SEMA6D: variants seen among roughly 807,000 people sequenced by gnomAD.
SEMA6D encodes semaphorin 6D, also known as semaphorin-6D.
SEMA6D carries 35 observed loss-of-function variants against 106.6 expected under a neutral mutation model. The ratio of observed to expected loss-of-function variants is 0.33; its 90% CI spans 0.25 to 0.44. The LOEUF (loss-of-function observed/expected upper bound fraction) is 0.44, where lower values mean the gene tolerates loss of function less well. Among genes scored for constraint, SEMA6D ranks in the 20% least tolerant of loss-of-function variants. The probability of loss-of-function intolerance (pLI) is 1.00; values close to 1 mark genes in which losing one functional copy is unlikely to be tolerated. For synonymous variants in SEMA6D, 499 were observed against 487.7 expected (o/e 1.02, Z -0.31); for missense variants, 1,185 against 1,345.9 (o/e 0.88, Z 1.87).
chr15:47,524,871 C>G (rs1335138050), intron 3 of SEMA6D, among the ~76,000 whole-genome samples: 2 of 152,152 alleles, frequency 1.3e-5, no homozygotes, highest in African/African-American at 4.8e-5. Context: ...GTATTTATGT[C>G]TTGCTACTCA....
intron 1 of SEMA6D, among the ~76,000 whole-genome samples, chr15:47,232,233 A>G (rs972015660): frequency 1.3e-5 from 2 of 152,140 alleles, no homozygotes; most frequent in East Asian, 3.9e-4. Context: ...GATATACTAC[A>G]TATTGTTCAT....
At chr15:47,436,111 C>A (rs1032040358) in intron 2 of SEMA6D, among the ~76,000 whole-genome samples, 2 of 152,040 alleles carry the variant, frequency 1.3e-5, no homozygotes, top group Non-Finnish European at 2.9e-5. Flanking sequence ...GACTTTGGGC[C>A]GATTGCGGTG....
chr15:47,378,260 G>A (rs1341583763), intron 1 of SEMA6D, among the ~76,000 whole-genome samples: 1 of 152,166 alleles, frequency 6.6e-6, no homozygotes, highest in African/African-American at 2.4e-5. Context: ...ACTTTGGAAG[G>A]CTGAGGCGGG....
At chr15:47,260,827 C>A (rs886590902) in intron 1 of SEMA6D, among the ~76,000 whole-genome samples, 1 of 152,084 alleles carries the variant, frequency 6.6e-6, no homozygotes, top group East Asian at 1.9e-4. Context: ...CTGATTGATC[C>A]CTCTTGCTAG....
At chr15:47,218,544 T>C (rs1443082879) in intron 1 of SEMA6D, among the ~76,000 whole-genome samples, 3 of 152,214 alleles carry the variant, frequency 2.0e-5, no homozygotes, top group Non-Finnish European at 4.4e-5. Flanking sequence ...CAAACAAAGA[T>C]GCATTATTTC....
At chr15:47,686,420 A>G (rs904334638) in intron 4 of SEMA6D, among the ~76,000 whole-genome samples, 5 of 152,258 alleles carry the variant, frequency 3.3e-5, no homozygotes, top group African/African-American at 1.2e-4. Context: ...AAAAATGTTC[A>G]AAGGAAAAAT....
intron 1 of SEMA6D, among the ~76,000 whole-genome samples, chr15:47,372,984 T>A (rs993739579): frequency 6.6e-6 from 1 of 152,200 alleles, no homozygotes; most frequent in African/African-American, 2.4e-5. Flanking sequence ...CAAACTTAGA[T>A]CACGGAACAG....
At chr15:47,373,656 G>A (rs957051280) in intron 1 of SEMA6D, among the ~76,000 whole-genome samples, 3 of 152,160 alleles carry the variant, frequency 2.0e-5, no homozygotes, top group Non-Finnish European at 4.4e-5. Flanking sequence ...TGATGAGTAA[G>A]TTGGGTGTTT....
chr15:47,328,940 A>T (rs1375094865), intron 1 of SEMA6D, among the ~76,000 whole-genome samples: 1 of 152,222 alleles, frequency 6.6e-6, no homozygotes, highest in Non-Finnish European at 1.5e-5. Context: ...ATCAAGACAT[A>T]GTTCATTCAT....
intron 1 of SEMA6D, among the ~76,000 whole-genome samples, chr15:47,732,496 G>C (rs1022957527): frequency 7.9e-5 from 12 of 152,302 alleles, no homozygotes; most frequent in African/African-American, 2.9e-4. Context: ...ACCTGCTCAT[G>C]TATGAAGCCT....
intron 1 of SEMA6D, among the ~76,000 whole-genome samples, chr15:47,384,814 G>GTTTTTTTTTTTTTTTTTTTTTTTTTTTT (rs1168068495): frequency 4.6e-5 from 3 of 65,694 alleles, no homozygotes; most frequent in African/African-American, 1.6e-4. Context: ...GATTACTAAA[G>GTTTTTTTTTTTTTTTTTTTTTTTTTTTT]TTTTTTTTTT....
chr15:47,507,845 C>T (rs887270424), intron 3 of SEMA6D, among the ~76,000 whole-genome samples: 7 of 152,182 alleles, frequency 4.6e-5, no homozygotes, highest in Admixed American at 3.9e-4. Context: ...TTTCGGGCCC[C>T]TGCATATGCT....
At chr15:47,249,341 G>T (rs2033378834) in intron 1 of SEMA6D, among the ~76,000 whole-genome samples, 1 of 152,148 alleles carries the variant, frequency 6.6e-6, no homozygotes, top group South Asian at 2.1e-4. Flanking sequence ...TAGTTCATTT[G>T]CACTCTTATT....
intron 1 of SEMA6D, among the ~76,000 whole-genome samples, chr15:47,262,253 G>T (rs779589943): frequency 6.6e-6 from 1 of 152,022 alleles, no homozygotes; most frequent in South Asian, 2.1e-4. Context: ...TAAAATGGCC[G>T]TACTGCCCAA....
At chr15:47,662,102 T>C (rs1376631950) in intron 4 of SEMA6D, among the ~76,000 whole-genome samples, 1 of 152,118 alleles carries the variant, frequency 6.6e-6, no homozygotes, top group Non-Finnish European at 1.5e-5. Flanking sequence ...TCAGTGGGTG[T>C]CTGCGGTGTC....
chr15:47,550,015 G>T (rs1443423249), intron 3 of SEMA6D, among the ~76,000 whole-genome samples: 1 of 152,204 alleles, frequency 6.6e-6, no homozygotes, highest in Non-Finnish European at 1.5e-5. Context: ...TCATTAAAGA[G>T]AGAGTAGAAA....
chr15:47,287,926 G>C (rs909061351), intron 1 of SEMA6D, among the ~76,000 whole-genome samples: 9 of 152,112 alleles, frequency 5.9e-5, no homozygotes, highest in African/African-American at 2.2e-4. Context: ...GCCTCAGGAA[G>C]CTTATCATAA....
At chr15:47,663,049 A>C (rs1404795911) in intron 4 of SEMA6D, among the ~76,000 whole-genome samples, 1 of 152,220 alleles carries the variant, frequency 6.6e-6, no homozygotes, top group Admixed American at 6.5e-5. Context: ...AAGGCATTGA[A>C]GATCAGAGTA....
chr15:47,505,635 A>G (rs1618196), intron 3 of SEMA6D, among the ~76,000 whole-genome samples: 70,604 of 151,950 alleles, frequency 0.46, 17,884 homozygotes, highest in East Asian at 0.82. Context: ...GAGTCAGAAT[A>G]TCTAATTGAC....
Sources: gnomAD v4.1 joint callset for allele counts (sites outside exome capture counted in the v4.1 genomes callset) on GRCh38, gnomAD v4.1.1 for gene constraint, MANE v1.5 for transcripts, NCBI Gene and HGNC (gene_info 2026-07-23, HGNC 2026-07-21) for gene names.